The following CDH12 variants were observed in gnomAD, a reference collection of about 807,000 sequenced individuals.
The protein encoded by CDH12 is cadherin 12, also known as cadherin-12.
Under a neutral mutation model 74.1 loss-of-function variants are expected in CDH12, and 41 were observed. The ratio of observed to expected loss-of-function variants is 0.55; its 90% CI spans 0.43 to 0.72. The LOEUF is 0.72. CDH12 is among the 30% of genes least tolerant of loss of function. The pLI, the probability that CDH12 is intolerant of heterozygous loss-of-function variation, is 0.00. For missense variants in CDH12, 945 were observed against 977.2 expected (o/e 0.97, Z 0.44); for synonymous variants, 399 against 355.0 (o/e 1.12, Z -1.39).
At chr5:22,597,852 T>C (rs778097518) in intron 1 of CDH12, among the ~76,000 whole-genome samples, 1 of 152,190 alleles carries the variant, frequency 6.6e-6, no homozygotes, top group Non-Finnish European at 1.5e-5. Flanking sequence ...AGTAAATTGG[T>C]ATTTTATCTC....
chr5:21,992,692 C>T (rs1173588992), intron 5 of CDH12, among the ~76,000 whole-genome samples: 4 of 152,086 alleles, frequency 2.6e-5, no homozygotes, highest in African/African-American at 9.7e-5. Context: ...ATTTTTCCTT[C>T]TCCATGTATC....
intron 1 of CDH12, among the ~76,000 whole-genome samples, chr5:22,562,748 A>G (rs2126752523): frequency 6.6e-6 from 1 of 151,872 alleles, no homozygotes; most frequent in South Asian, 2.1e-4. Context: ...ATGCAAACAA[A>G]AAACTTGACC....
At chr5:22,251,034 T>C (rs1753114658) in intron 3 of CDH12, among the ~76,000 whole-genome samples, 1 of 152,174 alleles carries the variant, frequency 6.6e-6, no homozygotes, top group African/African-American at 2.4e-5. Context: ...AAAGCCAGAT[T>C]GAAATAATTT....
intron 1 of CDH12, among the ~76,000 whole-genome samples, chr5:22,564,267 G>A (rs1739194283): frequency 6.6e-6 from 1 of 152,102 alleles, no homozygotes; most frequent in Admixed American, 6.5e-5. Flanking sequence ...AACTATTTTG[G>A]AGTTCTAACT....
chr5:22,674,774 T>C (rs1741080346), intron 1 of CDH12, among the ~76,000 whole-genome samples: 1 of 152,164 alleles, frequency 6.6e-6, no homozygotes. Context: ...AAGGTGACTT[T>C]TGTTATGTTT....
chr5:21,791,293 T>A (rs373648088), intron 10 of CDH12, among the ~76,000 whole-genome samples: 2 of 152,032 alleles, frequency 1.3e-5, no homozygotes, highest in Non-Finnish European at 2.9e-5. Context: ...AGACCATCAA[T>A]GAACTTGCAA....
Position 22,446,623 on chromosome 5 carries a change from G to T in CDH12, c.-427-41272C>A, listed in dbSNP as rs151115234. 3.9e-5 allele frequency among the ~76,000 whole-genome samples: 6 copies of T among 152,118 alleles called. No individual in the cohort carries two copies. The East Asian group carries it at 1.2e-3, about 30-fold the overall frequency. On this transcript the variant is annotated intron_variant, in intron 2 of 14. Transcript: ENST00000382254. ...CTAGAATCTAGAAGGAACCCAGAAA[G>T]AATCAAATATTGCACCTGGAATGTA...
At chr5:22,536,611 T>C (rs1737857498) in intron 1 of CDH12, among the ~76,000 whole-genome samples, 1 of 152,232 alleles carries the variant, frequency 6.6e-6, no homozygotes, top group South Asian at 2.1e-4. Flanking sequence ...AATATTGTTG[T>C]ACTAATTGTC....
Position 22,385,601 on chromosome 5 carries a change from T to C in CDH12, c.-333+19656A>G, listed in dbSNP as rs73058159. Among the ~76,000 whole-genome samples the C allele has an allele frequency of 8.5e-3, 1,292 of 152,320 alleles. 11 individuals are homozygous for C. The highest frequency in any genetic ancestry group is 0.029 in the African/African-American group (1,215 of 41,574). On this transcript the variant is annotated intron_variant, in intron 3 of 14. Transcript: ENST00000382254. ...ATCATTAAAAGAAATGAGGACCTTATCTTTCTGCCTCTATAAGACAGTAGG... is the reference window on the plus strand; with the variant it reads ...ATCATTAAAAGAAATGAGGACCTTACCTTTCTGCCTCTATAAGACAGTAGG...
intron 3 of CDH12, among the ~76,000 whole-genome samples, chr5:22,367,962 C>A (rs1741104224): frequency 6.6e-6 from 1 of 152,008 alleles, no homozygotes; most frequent in African/African-American, 2.4e-5. Flanking sequence ...TGAGGTCAAC[C>A]TTTTACTTAT....
At chr5:22,319,944 A>G (rs1397931511) in intron 3 of CDH12, among the ~76,000 whole-genome samples, 2 of 152,092 alleles carry the variant, frequency 1.3e-5, no homozygotes, top group Admixed American at 1.3e-4. Context: ...AAGAGACGGG[A>G]GCAGGAGAAG....
intron 1 of CDH12, among the ~76,000 whole-genome samples, chr5:22,599,244 G>C (rs1317490577): frequency 6.6e-6 from 1 of 152,168 alleles, no homozygotes; most frequent in Non-Finnish European, 1.5e-5. Context: ...TCAGCGGTCT[G>C]AACTAAAACC....
chr5:22,086,721 G>C (rs898002653), intron 4 of CDH12, among the ~76,000 whole-genome samples: 3 of 150,902 alleles, frequency 2.0e-5, no homozygotes, highest in Non-Finnish European at 4.4e-5. Context: ...GCTGCTACTG[G>C]TATCTCCTAC....
chr5:21,814,817 T>C (rs1411420044), intron 9 of CDH12, among the ~76,000 whole-genome samples: 1 of 151,540 alleles, frequency 6.6e-6, no homozygotes, highest in African/African-American at 2.4e-5. Context: ...TCCATTTGAA[T>C]AGATGATTGT....
chr5:22,416,736 T>C (rs368621011), intron 2 of CDH12, among the ~76,000 whole-genome samples: 3 of 152,238 alleles, frequency 2.0e-5, no homozygotes, highest in East Asian at 3.9e-4. Context: ...GAATTGTAAG[T>C]GTGGTTTTTA....
At chr5:22,193,530 C>T (rs1385479271) in intron 4 of CDH12, among the ~76,000 whole-genome samples, 1 of 152,118 alleles carries the variant, frequency 6.6e-6, no homozygotes, top group African/African-American at 2.4e-5. Context: ...TGCTGAATGT[C>T]AACCTGTTCC....
intron 3 of CDH12, among the ~76,000 whole-genome samples, chr5:22,346,672 C>A (rs2150460408): frequency 6.6e-6 from 1 of 152,274 alleles, no homozygotes; most frequent in African/African-American, 2.4e-5. Flanking sequence ...ACACGGTACT[C>A]ACTCCAGAGA....
At chr5:22,783,462 T>C (rs1263029331) in intron 1 of CDH12, among the ~76,000 whole-genome samples, 2 of 152,126 alleles carry the variant, frequency 1.3e-5, no homozygotes, top group East Asian at 1.9e-4. Flanking sequence ...TCAGATAACT[T>C]ACTGAAAATT....
At chr5:22,481,653 C>T (rs1212826331) in intron 2 of CDH12, among the ~76,000 whole-genome samples, 1 of 152,120 alleles carries the variant, frequency 6.6e-6, no homozygotes, top group Non-Finnish European at 1.5e-5. Context: ...TATTCAAACT[C>T]AAAGAAGCAG....
Sources: allele counts gnomAD v4.1 joint callset (sites outside exome capture counted in the v4.1 genomes callset), GRCh38; gene constraint gnomAD v4.1.1; transcripts MANE v1.5; gene names NCBI Gene and HGNC (gene_info 2026-07-23, HGNC 2026-07-21).